ATM: variants seen among roughly 807,000 people sequenced by gnomAD.
ATM encodes serine-protein kinase ATM.
In ATM, 308 loss-of-function variants were observed where a neutral mutation model predicts 387.0. That is an observed-to-expected ratio of 0.80 (90% CI 0.73 to 0.87). The LOEUF is 0.87. Among genes scored for constraint, ATM ranks in the 40% least tolerant of loss-of-function variants. ATM has a pLI of 0.00. For missense variants in ATM, 3,312 were observed against 3,560.9 expected (o/e 0.93, Z 1.78); for synonymous variants, 1,156 against 1,187.3 (o/e 0.97, Z 0.54).
chr11:108,356,558 A>AG (rs2089949935), intron 61 of ATM, among the ~76,000 whole-genome samples: 1 of 151,796 alleles, frequency 6.6e-6, no homozygotes, highest in Non-Finnish European at 1.5e-5. Context: ...AAAAAAAAAA[A>AG]AAGCCCAAAC....
At chr11:108,260,123 C>T (rs1187809279) in intron 16 of ATM, among the ~76,000 whole-genome samples, 1 of 150,798 alleles carries the variant, frequency 6.6e-6, no homozygotes, top group African/African-American at 2.4e-5. Context: ...CAGCCCCCAC[C>T]TCCTAGGTTC....
chr11:108,228,137 G>C (rs1421419777), intron 3 of ATM, among the ~76,000 whole-genome samples: 1 of 151,892 alleles, frequency 6.6e-6, no homozygotes, highest in Admixed American at 6.5e-5. Context: ...TCAAAATTGA[G>C]AGAGAATTTC....
chr11:108,359,450 T>TA (rs1349667833), intron 61 of ATM, among the ~76,000 whole-genome samples: 1 of 152,062 alleles, frequency 6.6e-6, no homozygotes, highest in African/African-American at 2.4e-5. Flanking sequence ...GCGGACCTAA[T>TA]AGACATCTAC....
In ATM at chr11:108,366,567, CT is replaced by C. The variant is rs2091343180; in HGVS notation, c.*1062del. ...AAAAGTGAGTTTATTTTCAGCAAGG[CT>C]TTATCTATGGGAATCTTGAGTGTCT... On this transcript the variant is annotated 3_prime_UTR_variant, in exon 63 of 63. Transcript: ENST00000675843. The C allele has an allele frequency of 4.4e-6, 1 of 229,720 alleles. No individual in the cohort carries two copies. Among genetic ancestry groups the C allele is most frequent in the Non-Finnish European group, 8.6e-6 (1 of 115,940 alleles). 14.2% of individuals were successfully genotyped at this position (229,720 alleles called of 1,614,324 possible).
rs1565518950 is a variant in ATM, at chr11:108,325,498, A to T, written c.6761A>T (p.His2254Leu). Residue 2254 changes from histidine (H) to leucine (L), a missense_variant, in exon 46 of 63, where the codon CAC (histidine) becomes CTC (leucine). Coordinates refer to ENST00000675843, the MANE Select transcript of ATM (RefSeq NM_000051.4). ...TGTATTAAGGACATTCTCACCAAACACCTTGTAGAACTCTCTATACTGGCC... is the reference window on the plus strand; with the variant it reads ...TGTATTAAGGACATTCTCACCAAACTCCTTGTAGAACTCTCTATACTGGCC... Reference protein sequence around the residue: ...RECIKDILTKHLVELSILART... With the variant: ...RECIKDILTKLLVELSILART... The T allele has an allele frequency of 6.2e-7, 1 of 1,612,854 alleles. No individual in the cohort carries two copies. Among genetic ancestry groups the T allele is most frequent in the Non-Finnish European group, 8.5e-7 (1 of 1,179,718 alleles).
chr11:108,234,485 G>A (rs1028317884), intron 4 of ATM, among the ~76,000 whole-genome samples: 4 of 152,174 alleles, frequency 2.6e-5, no homozygotes, highest in Non-Finnish European at 5.9e-5. Flanking sequence ...GAATATGTGT[G>A]TAGTCATGCC....
rs55934812 is a variant in ATM at position 108,268,576 on chromosome 11, G to A, written c.2805G>A (p.Thr935=). ...RKLLMLIDSS[T]LEPTKSLHLH... is the part of the protein sequence containing the mutation. ...TGTTAATGTTAATTGATTCTAGCAC[G>A]CTAGAACCTACCAAATCCCTCCACC... The change falls in exon 18 of 63, where the codon ACG becomes ACA. Residue 935 remains threonine, a synonymous_variant. Coordinates refer to ENST00000675843, the MANE Select transcript of ATM (RefSeq NM_000051.4). 3.7e-6 allele frequency: 6 copies of A among 1,613,888 alleles called. No homozygotes were observed. The highest frequency in any genetic ancestry group is 2.7e-5 in the African/African-American group (2 of 74,904).
intron 9 of ATM, 44 bp from the exon 10 acceptor site, chr11:108,250,657 T>C (rs1376594364): frequency 3.2e-6 from 5 of 1,561,294 alleles, no homozygotes; most frequent in African/African-American, 1.4e-5. Flanking sequence ...AGTTTGTTAA[T>C]GTGATGGAAT....
rs770396940 is a variant in ATM, at chr11:108,267,210, G to GA, written c.2508dup (p.Ser837IlefsTer5). On this transcript the variant is annotated frameshift_variant, in exon 17 of 63. Transcript: ENST00000675843. LOFTEE classifies it high-confidence loss of function. ...AAAGCCATTTGACCGTGGAGAAGTAGAATCAATGGAAGATGATACTAATGG... is the reference window on the plus strand; with the variant it reads ...AAAGCCATTTGACCGTGGAGAAGTAGAAATCAATGGAAGATGATACTAATGG... The GA allele has an allele frequency of 1.2e-6, 2 of 1,614,144 alleles. No individual in the cohort carries two copies. The highest frequency in any genetic ancestry group is 1.7e-6 in the Non-Finnish European group (2 of 1,180,010).
chr11:108,309,067 T>C, intron 38 of ATM: 1 of 1,488,638 alleles, frequency 6.7e-7, no homozygotes, highest in Non-Finnish European at 9.1e-7. Context: ...TCCTGAAGAA[T>C]ATTCCTGGAG....
At position 108,246,944 on chromosome 11, in the gene ATM, T is replaced by G; in HGVS notation, c.902-20T>G. On this transcript the variant is annotated intron_variant, in intron 7 of 62. Transcript: ENST00000675843. ...CAGAGTACATACATAAAAATTACAT[T>G]TTAATTTTTTGGATTACAGGTGCTT... The G allele has an allele frequency of 6.3e-7, 1 of 1,589,658 alleles. No individual in the cohort carries two copies. The highest frequency in any genetic ancestry group is 8.6e-7 in the Non-Finnish European group (1 of 1,160,300).
intron 35 of ATM, among the ~76,000 whole-genome samples, chr11:108,302,161 T>C (rs2083464418): frequency 6.6e-6 from 1 of 152,162 alleles, no homozygotes; most frequent in Non-Finnish European, 1.5e-5. Context: ...CAAGTTAACA[T>C]ATCACAATCC....
chr11:108,292,877 G>A, intron 30 of ATM, 84 bp downstream of exon 30: 1 of 1,470,422 alleles, frequency 6.8e-7, no homozygotes, highest in Non-Finnish European at 9.4e-7. Context: ...TGTTTATTTG[G>A]TATAATTGGT....
At chr11:108,297,060 A>T (rs1326899620) in intron 32 of ATM, 1 of 511,368 alleles carries the variant, frequency 2.0e-6, no homozygotes, top group Non-Finnish European at 3.5e-6. Flanking sequence ...TGTTTAAGAC[A>T]TTTTATTTTC....
Position 108,329,247 on chromosome 11 carries a change from G to T in ATM, c.7307+9G>T. The T allele has an allele frequency of 6.2e-7, 1 of 1,602,076 alleles. No individual in the cohort carries two copies. The highest frequency in any genetic ancestry group is 1.1e-5 in the South Asian group (1 of 90,466). Reference sequence around the variant, plus strand: ...AAAATTCAGACAAACAGGTAACTAGGTTTCTACAAGTGACAATTTTATGTT... The same window carrying T: ...AAAATTCAGACAAACAGGTAACTAGTTTTCTACAAGTGACAATTTTATGTT... On this transcript the variant is annotated intron_variant, in intron 49 of 62. Coordinates refer to ENST00000675843, the MANE Select transcript of ATM (RefSeq NM_000051.4).
chr11:108,334,872 C>A, intron 54 of ATM, 97 bp from the exon 55 acceptor site: 1 of 1,399,328 alleles, frequency 7.1e-7, no homozygotes, highest in Non-Finnish European at 1.0e-6. Context: ...TCATTTGTTT[C>A]TCTGTTTAAT....
At chr11:108,260,460 T>C (rs949249766) in intron 16 of ATM, among the ~76,000 whole-genome samples, 3 of 152,244 alleles carry the variant, frequency 2.0e-5, no homozygotes, top group Admixed American at 6.5e-5. Context: ...GGATGTAGGA[T>C]AATTTCTAGC....
At chr11:108,271,649 T>C (rs1255711793) in intron 20 of ATM, among the ~76,000 whole-genome samples, 1 of 152,220 alleles carries the variant, frequency 6.6e-6, no homozygotes, top group Non-Finnish European at 1.5e-5. Flanking sequence ...CACTTAATAA[T>C]TTGACATGTA....
chr11:108,267,461 A>G (rs897332379), intron 17 of ATM, 119 bp downstream of exon 17: 1 of 833,408 alleles, frequency 1.2e-6, no homozygotes, highest in African/African-American at 1.7e-5. Flanking sequence ...ATAGCCTTTT[A>G]GGATTGTTCC....
Sources: gnomAD v4.1 joint callset for allele counts (sites outside exome capture counted in the v4.1 genomes callset) on GRCh38, gnomAD v4.1.1 for gene constraint, MANE v1.5 for transcripts, NCBI Gene and HGNC (gene_info 2026-07-23, HGNC 2026-07-21) for gene names.